Variants in SLC25A17 observed in about 807,000 individuals in gnomAD.
SLC25A17 encodes the protein solute carrier family 25 member 17.
A neutral mutation model predicts 38.5 loss-of-function variants in SLC25A17; 26 were observed. That is an observed-to-expected ratio of 0.68 (90% CI 0.50 to 0.94). The LOEUF (loss-of-function observed/expected upper bound fraction) is 0.94. Among genes scored for constraint, SLC25A17 ranks in the 40% least tolerant of loss-of-function variants. SLC25A17 has a pLI of 0.00. For synonymous variants in SLC25A17, 139 were observed against 136.2 expected, an observed-to-expected ratio of 1.02 and a Z score of -0.14; for missense variants, 333 against 372.7, an observed-to-expected ratio of 0.89 and a Z score of 0.88.
At chr22:40,775,855 T>C (rs1370420236) in intron 7 of SLC25A17, among the ~76,000 whole-genome samples, 1 of 152,210 alleles carries the variant, frequency 6.6e-6, no homozygotes, top group Non-Finnish European at 1.5e-5. Flanking sequence ...TCCACCATGA[T>C]TGTAAGTTTC....
At chr22:40,817,747 C>G (rs1226333288) in intron 1 of SLC25A17, among the ~76,000 whole-genome samples, 1 of 152,140 alleles carries the variant, frequency 6.6e-6, no homozygotes, top group Admixed American at 6.5e-5. Context: ...CCAGGGTGAT[C>G]ACGTTTAAAG....
At position 40,782,168 on chromosome 22, in the gene SLC25A17, C is replaced by A. The variant is rs560011491; in HGVS notation, c.335-3043G>T. Among the ~76,000 whole-genome samples the A allele has an allele frequency of 2.7e-4, 41 of 152,056 alleles. No homozygotes were observed. The South Asian group carries it at 7.5e-3, about 28-fold the overall frequency. On this transcript the variant is annotated intron_variant, in intron 4 of 8. Coordinates refer to ENST00000435456, the MANE Select transcript of SLC25A17 (RefSeq NM_006358.4). ...CCAGAAGGTGGAGGTTGCAGTGAGC[C>A]GAGATCGCACTACTGCACTCCAGCC...
At chr22:40,774,718 G>A (rs2057223306) in intron 7 of SLC25A17, among the ~76,000 whole-genome samples, 1 of 152,182 alleles carries the variant, frequency 6.6e-6, no homozygotes, top group Non-Finnish European at 1.5e-5. Context: ...TTCAGATTAT[G>A]TGTTTACATT....
intron 4 of SLC25A17, among the ~76,000 whole-genome samples, chr22:40,790,939 C>T (rs534930941): frequency 6.6e-6 from 1 of 152,266 alleles, no homozygotes; most frequent in East Asian, 1.9e-4. Flanking sequence ...TGTACAGGAA[C>T]TATTCTAATT....
rs184116978 is a variant in SLC25A17 at position 40,800,359 on chromosome 22, C to T, written c.55-1276G>A. Reference sequence around the variant, plus strand: ...TACAGGCATAAAATCAAGTTTCAGACTGCTGATCTAATAATGGTTACAAAA... The same window carrying T: ...TACAGGCATAAAATCAAGTTTCAGATTGCTGATCTAATAATGGTTACAAAA... On this transcript the variant is annotated intron_variant, in intron 1 of 8. Transcript: ENST00000435456. Among the ~76,000 whole-genome samples the T allele has an allele frequency of 8.7e-4, 132 of 152,236 alleles. 2 individuals are homozygous for T. The East Asian group carries it at 0.019, about 22-fold the overall frequency.
intron 1 of SLC25A17, among the ~76,000 whole-genome samples, chr22:40,800,125 A>G (rs193003149): frequency 7.9e-5 from 12 of 152,362 alleles, no homozygotes; most frequent in African/African-American, 2.6e-4. Context: ...AATAGGAACA[A>G]TCTCTTTGCC....
intron 5 of SLC25A17, 102 bp from the exon 6 acceptor site, chr22:40,777,475 C>T (rs918047364): frequency 1.0e-5 from 13 of 1,305,982 alleles, no homozygotes; most frequent in African/African-American, 1.5e-5. Flanking sequence ...ACAAACCATA[C>T]TGGTTCTATA....
rs951738176 is a variant in SLC25A17 at position 40,774,212 on chromosome 22, A to G, written c.694-193T>C. 2.6e-5 allele frequency among the ~76,000 whole-genome samples: 4 copies of G among 151,998 alleles called. No homozygotes were observed. In the East Asian group the frequency reaches 7.7e-4, roughly 29 times the overall value. ...ATATTTCAATCAAATAAGTGAAAAT[A>G]AGAAAAATTTTTCCTTTTTTTTTTT... On this transcript the variant is annotated intron_variant, in intron 7 of 8. Coordinates refer to ENST00000435456, the MANE Select transcript of SLC25A17 (RefSeq NM_006358.4).
chr22:40,792,468 G>A, intron 4 of SLC25A17, 57 bp downstream of exon 4: 2 of 1,445,774 alleles, frequency 1.4e-6, no homozygotes, highest in Non-Finnish European at 1.9e-6. Context: ...ACCTCTTAGA[G>A]GATATAAAAC....
At chr22:40,812,240 C>T (rs112119625) in intron 1 of SLC25A17, among the ~76,000 whole-genome samples, 4,776 of 151,872 alleles carry the variant, frequency 0.031, 125 homozygotes, top group Middle Eastern at 0.041. Flanking sequence ...ACATTTCAGG[C>T]TACTTACTAA....
chr22:40,801,872 C>A (rs1046133163), intron 1 of SLC25A17, among the ~76,000 whole-genome samples: 1 of 152,120 alleles, frequency 6.6e-6, no homozygotes, highest in African/African-American at 2.4e-5. Flanking sequence ...CTCACTGCAA[C>A]CTCCACCTCT....
At chr22:40,814,857 T>C (rs2057622717) in intron 1 of SLC25A17, among the ~76,000 whole-genome samples, 2 of 151,458 alleles carry the variant, frequency 1.3e-5, no homozygotes, top group South Asian at 2.1e-4. Context: ...TCTTGCTCTG[T>C]CGTCCAGGCT....
chr22:40,777,024 G>C lies in SLC25A17; in HGVS notation c.693+16C>G, dbSNP rs373911571. 5 of 1,607,776 alleles carry C rather than the reference G, an allele frequency of 3.1e-6. No homozygotes were observed. The highest frequency in any genetic ancestry group is 4.3e-6 in the Non-Finnish European group (5 of 1,174,584). On this transcript the variant is annotated intron_variant, in intron 7 of 8. Transcript: ENST00000435456. ...AATGCTGTTTGACTAAATGCGAAGA[G>C]AACTCCAGCACTCACCCTCAGAATT...
intron 1 of SLC25A17, chr22:40,817,450 C>T (rs1323077783): frequency 6.6e-6 from 1 of 152,244 alleles, no homozygotes; most frequent in African/African-American, 2.4e-5. Flanking sequence ...CATCTAGTCT[C>T]ACGACTACTC....
At chr22:40,810,061 G>C (rs959009430) in intron 1 of SLC25A17, among the ~76,000 whole-genome samples, 1 of 152,014 alleles carries the variant, frequency 6.6e-6, no homozygotes, top group African/African-American at 2.4e-5. Context: ...CCTCATCCTA[G>C]GCTCCTGACA....
chr22:40,783,420 A>C (rs1399240067), intron 4 of SLC25A17, among the ~76,000 whole-genome samples: 2 of 152,198 alleles, frequency 1.3e-5, no homozygotes, highest in African/African-American at 2.4e-5. Flanking sequence ...TATTCCTTTT[A>C]TTCTTTACAA....
rs772977695 is a variant in SLC25A17 at position 40,776,304 on chromosome 22, A to T, written c.693+736T>A. ...TGCTTAGTAAATATTTGAATGGATAAATAACTGAATGAAATAAAAAACAGA... is the reference window on the plus strand; with the variant it reads ...TGCTTAGTAAATATTTGAATGGATATATAACTGAATGAAATAAAAAACAGA... On this transcript the variant is annotated intron_variant, in intron 7 of 8. Transcript: ENST00000435456. 1.8e-4 allele frequency: 85 copies of T among 468,818 alleles called. No individual in the cohort carries two copies. In the Admixed American group the frequency reaches 2.0e-3, roughly 11 times the overall value. 29.0% of individuals were successfully genotyped at this position (468,818 alleles called of 1,614,324 possible).
intron 4 of SLC25A17, among the ~76,000 whole-genome samples, chr22:40,787,805 C>T (rs2057351862): frequency 6.6e-6 from 1 of 151,862 alleles, no homozygotes; most frequent in African/African-American, 2.4e-5. Flanking sequence ...TGAACCAGCT[C>T]CATACAAAAA....
intron 1 of SLC25A17, among the ~76,000 whole-genome samples, chr22:40,802,603 C>G (rs1385334435): frequency 6.6e-6 from 1 of 152,092 alleles, no homozygotes; most frequent in Non-Finnish European, 1.5e-5. Context: ...CAAGATCGTG[C>G]CACTGCACTC....
Sources: gnomAD v4.1 joint callset for allele counts (sites outside exome capture counted in the v4.1 genomes callset) on GRCh38, gnomAD v4.1.1 for gene constraint, MANE v1.5 for transcripts, NCBI Gene and HGNC (gene_info 2026-07-23, HGNC 2026-07-21) for gene names.